DNAH14: variants seen among roughly 807,000 people sequenced by gnomAD.
The protein encoded by DNAH14 is axonemal beta dynein heavy chain 14.
A neutral mutation model predicts 520.9 loss-of-function variants in DNAH14; 478 were observed. The ratio of observed to expected loss-of-function variants is 0.92; its 90% CI spans 0.85 to 0.99. The LOEUF (loss-of-function observed/expected upper bound fraction) is 0.99. DNAH14 is among the 50% of genes least tolerant of loss of function. The pLI, the probability that DNAH14 is intolerant of heterozygous loss-of-function variation, is 0.00. For missense variants in DNAH14, 4,831 were observed against 5,234.5 expected, an observed-to-expected ratio of 0.92 and a Z score of 2.38; for synonymous variants, 1,581 against 1,757.2, an observed-to-expected ratio of 0.90 and a Z score of 2.51.
intron 60 of DNAH14, among the ~76,000 whole-genome samples, chr1:225,312,966 T>C (rs1026767604): frequency 6.6e-6 from 1 of 152,336 alleles, no homozygotes; most frequent in South Asian, 2.1e-4. Context: ...ATAAAATGAG[T>C]TGGGGAGGAA....
chr1:225,255,968 G>A (rs1047021924), intron 44 of DNAH14, among the ~76,000 whole-genome samples: 28 of 152,006 alleles, frequency 1.8e-4, no homozygotes, highest in African/African-American at 6.3e-4. Context: ...CTACTTAAGG[G>A]GAAATACTTG....
chr1:225,335,986 TAC>T (rs1402431641), intron 66 of DNAH14, among the ~76,000 whole-genome samples: 6 of 136,234 alleles, frequency 4.4e-5, no homozygotes, highest in African/African-American at 8.3e-5. Context: ...TATGTGTATA[TAC>T]ACACATATGC....
intron 45 of DNAH14, 119 bp from the exon 46 acceptor site, chr1:225,259,002 C>CA (rs1213929737): frequency 7.1e-6 from 8 of 1,129,326 alleles, no homozygotes; most frequent in African/African-American, 3.3e-5. Flanking sequence ...AAGGGAAGAA[C>CA]AAAAAAACAC....
At chr1:225,218,568 G>T (rs528203374) in intron 41 of DNAH14, among the ~76,000 whole-genome samples, 3 of 151,898 alleles carry the variant, frequency 2.0e-5, no homozygotes, top group Non-Finnish European at 2.9e-5. Context: ...ACAAAGAAGG[G>T]CATTACATAA....
Position 225,097,120 on chromosome 1 carries a change from T to G in DNAH14, c.3576T>G (p.Asp1192Glu). Residue 1192 changes from aspartate to glutamate, a missense_variant and splice_region_variant, in exon 22 of 86, where the codon GAT (aspartate) becomes GAG (glutamate). Physicochemically the swap from Asp to Glu is conservative, Grantham distance 45. Transcript: ENST00000682510. ...KGSPHIGPIK[D>E]LVNEWDQNLT... ...TGTATATGTTTTTATCATTGTAGGA[T>G]CTTGTGAATGAATGGGATCAAAACT... is the stretch of plus-strand genomic sequence containing the variant. 6.5e-7 allele frequency: 1 copy of G among 1,546,082 alleles called. No individual in the cohort carries two copies. The highest frequency in any genetic ancestry group is 8.7e-7 in the Non-Finnish European group (1 of 1,144,232).
chr1:224,939,597 T>C (rs566383559), intron 1 of DNAH14, among the ~76,000 whole-genome samples: 1 of 152,178 alleles, frequency 6.6e-6, no homozygotes, highest in African/African-American at 2.4e-5. Flanking sequence ...GGCAGGAGAA[T>C]GGCGTGAACC....
intron 10 of DNAH14, among the ~76,000 whole-genome samples, chr1:225,014,384 G>T (rs1331674662): frequency 1.3e-5 from 2 of 150,762 alleles, no homozygotes; most frequent in Non-Finnish European, 3.0e-5. Flanking sequence ...GCTGCAGACT[G>T]GAGCTGTTTC....
At chr1:225,371,060 A>T (rs2095612731) in intron 77 of DNAH14, among the ~76,000 whole-genome samples, 1 of 152,194 alleles carries the variant, frequency 6.6e-6, no homozygotes, top group Non-Finnish European at 1.5e-5. Context: ...TAAGAAACAG[A>T]TAGTATTAAT....
chr1:225,172,720 T>C (rs1013164503), intron 36 of DNAH14, among the ~76,000 whole-genome samples: 3 of 152,192 alleles, frequency 2.0e-5, no homozygotes. Context: ...TGCCATCCTC[T>C]TCAAGCTACC....
intron 15 of DNAH14, among the ~76,000 whole-genome samples, chr1:225,044,559 T>C (rs2067769220): frequency 6.6e-6 from 1 of 152,140 alleles, no homozygotes; most frequent in African/African-American, 2.4e-5. Context: ...TGATTTTGTT[T>C]ATGCAAGTCC....
intron 15 of DNAH14, 75 bp from the exon 16 acceptor site, chr1:225,050,135 G>A (rs2068400055): frequency 7.9e-7 from 1 of 1,266,720 alleles, no homozygotes; most frequent in South Asian, 1.7e-5. Flanking sequence ...AATAGTTCTA[G>A]ATGTCATGGA....
rs2094957788 is a variant in DNAH14 at position 225,335,538 on chromosome 1, T to C, written c.10081-1728T>C. Among the ~76,000 whole-genome samples the C allele has an allele frequency of 3.1e-5, 2 of 65,406 alleles. 1 individual carries two copies. Among genetic ancestry groups the C allele is most frequent in the African/African-American group, 9.7e-5 (2 of 20,664 alleles). The allele number at this position is 65,406 out of a possible 152,430, so 42.9% of individuals were successfully genotyped here. A position where few individuals can be genotyped will look rare whatever the true frequency, so the allele number is the denominator to read the frequency against. Reference sequence around the variant, plus strand: ...ATATGTACATATATACATATGTACATATATACGTATATACATATGTACATC... The same window carrying C: ...ATATGTACATATATACATATGTACACATATACGTATATACATATGTACATC... On this transcript the variant is annotated intron_variant, in intron 66 of 85. Coordinates refer to ENST00000682510, the MANE Select transcript of DNAH14 (RefSeq NM_001367479.1).
intron 11 of DNAH14, among the ~76,000 whole-genome samples, chr1:225,035,474 T>C (rs2066884749): frequency 6.6e-6 from 1 of 151,920 alleles, no homozygotes; most frequent in South Asian, 2.1e-4. Context: ...TTCTTTAAGA[T>C]GTATCATTAG....
intron 68 of DNAH14, among the ~76,000 whole-genome samples, chr1:225,339,640 G>A (rs1420949986): frequency 6.6e-6 from 1 of 152,206 alleles, no homozygotes; most frequent in Non-Finnish European, 1.5e-5. Context: ...TGGTCCCCAT[G>A]TTAGGAATGT....
At chr1:225,123,910 G>C (rs1434339829) in intron 27 of DNAH14, among the ~76,000 whole-genome samples, 1 of 151,978 alleles carries the variant, frequency 6.6e-6, no homozygotes, top group Non-Finnish European at 1.5e-5. Flanking sequence ...GCACCACCAT[G>C]CCTGGCTAAT....
At chr1:225,123,060 A>T (rs1249029832) in intron 26 of DNAH14, among the ~76,000 whole-genome samples, 1 of 152,206 alleles carries the variant, frequency 6.6e-6, no homozygotes, top group Non-Finnish European at 1.5e-5. Context: ...CTGTTGGTGC[A>T]CATTAACTGT....
At chr1:225,169,970 T>C (rs747996550) in intron 36 of DNAH14, among the ~76,000 whole-genome samples, 1 of 152,182 alleles carries the variant, frequency 6.6e-6, no homozygotes, top group Non-Finnish European at 1.5e-5. Context: ...ATATTCAACA[T>C]TCCTAAAGAA....
At chr1:225,064,829 G>A (rs1369248204) in intron 17 of DNAH14, among the ~76,000 whole-genome samples, 2 of 151,924 alleles carry the variant, frequency 1.3e-5, no homozygotes, top group African/African-American at 4.8e-5. Context: ...TCTATATTTT[G>A]TTTATGGAGG....
intron 55 of DNAH14, among the ~76,000 whole-genome samples, chr1:225,294,474 C>G (rs1210704331): frequency 6.6e-6 from 1 of 152,062 alleles, no homozygotes; most frequent in African/African-American, 2.4e-5. Flanking sequence ...GAATAATTTC[C>G]TCTTTAATAT....
Sources: gnomAD v4.1 joint callset for allele counts (sites outside exome capture counted in the v4.1 genomes callset) on GRCh38, gnomAD v4.1.1 for gene constraint, MANE v1.5 for transcripts, NCBI Gene and HGNC (gene_info 2026-07-23, HGNC 2026-07-21) for gene names.